RABEP1: variants seen among roughly 807,000 people sequenced by gnomAD.
The protein encoded by RABEP1 is rab GTPase-binding effector protein 1.
Under a neutral mutation model 123.4 loss-of-function variants are expected in RABEP1, and 51 were observed. That is an observed-to-expected ratio of 0.41 (90% CI 0.33 to 0.52). The LOEUF (loss-of-function observed/expected upper bound fraction) is 0.52, where lower values mean the gene tolerates loss of function less well. Ranked by LOEUF, RABEP1 falls within the 20% of genes least tolerant of loss-of-function variation. RABEP1 has a pLI of 0.16. For missense variants in RABEP1, 888 were observed against 996.3 expected (o/e 0.89, Z 1.46); for synonymous variants, 347 against 355.2 (o/e 0.98, Z 0.26).
chr17:5,372,255 C>T (rs867047662), intron 12 of RABEP1, among the ~76,000 whole-genome samples: 5 of 151,920 alleles, frequency 3.3e-5, no homozygotes, highest in African/African-American at 1.2e-4. Flanking sequence ...CCAGCCTGGC[C>T]AACATAGTGA....
chr17:5,368,330 G>A (rs374219378), intron 11 of RABEP1, 40 bp from the exon 12 acceptor site: 166 of 1,362,466 alleles, frequency 1.2e-4, no homozygotes, highest in Non-Finnish European at 1.4e-4. Flanking sequence ...CAGAATAACC[G>A]ATTTCCTAAC....
At position 5,384,091 on chromosome 17, in the gene RABEP1, C is replaced by G; in HGVS notation, c.*868C>G. 4.6e-6 allele frequency: 1 copy of G among 215,066 alleles called. No individual in the cohort carries two copies. The highest frequency in any genetic ancestry group is 1.5e-3 in the Middle Eastern group (1 of 668). 13.3% of individuals were successfully genotyped at this position (215,066 alleles called of 1,614,324 possible). A position where few individuals can be genotyped will look rare whatever the true frequency, so the allele number is the denominator to read the frequency against. Reference sequence around the variant, plus strand: ...GTTTTTAAATAGGCTAATTTTTCAACTTGGATCATTAGGCTTACGTACTAC... The same window carrying G: ...GTTTTTAAATAGGCTAATTTTTCAAGTTGGATCATTAGGCTTACGTACTAC... On this transcript the variant is annotated 3_prime_UTR_variant, in exon 18 of 18. Transcript: ENST00000537505.
intron 15 of RABEP1, among the ~76,000 whole-genome samples, chr17:5,379,654 T>C (rs562652816): frequency 6.7e-6 from 1 of 149,638 alleles, no homozygotes; most frequent in East Asian, 1.9e-4. Context: ...GCTGCCACTC[T>C]TTGAGTTCAG....
intron 9 of RABEP1, chr17:5,361,897 T>A (rs976510930): frequency 1.9e-4 from 97 of 514,268 alleles, no homozygotes; most frequent in Non-Finnish European, 3.2e-4. Flanking sequence ...TCACAGTGAA[T>A]GTGAACCTCC....
intron 1 of RABEP1, among the ~76,000 whole-genome samples, chr17:5,298,898 G>A (rs1159215838): frequency 4.0e-5 from 6 of 151,488 alleles, no homozygotes; most frequent in African/African-American, 1.2e-4. Context: ...CTCGTGATCC[G>A]CCCGCCTCAG....
In RABEP1 at chr17:5,323,761, T is replaced by TATATATATATATCTAGGA. The variant is rs1567522076; in HGVS notation, c.164-8175_164-8158dup. Among the ~76,000 whole-genome samples, 164 of 67,608 alleles carry TATATATATATATCTAGGA rather than the reference T, an allele frequency of 2.4e-3. 16 individuals carry two copies. The highest frequency in any genetic ancestry group is 3.5e-3 in the Non-Finnish European group (118 of 33,954). The allele number at this position is 67,608 out of a possible 152,430, so 44.4% of individuals were successfully genotyped here. A position where few individuals can be genotyped will look rare whatever the true frequency, so the allele number is the denominator to read the frequency against. On this transcript the variant is annotated intron_variant, in intron 2 of 17. Coordinates refer to ENST00000537505, the MANE Select transcript of RABEP1 (RefSeq NM_004703.6). ...CTAGGAATATATATATATCTAGGAA[T>TATATATATATATCTAGGA]ATATATATATATCTAGGAATATATA...
At chr17:5,290,346 C>G (rs960272342) in intron 1 of RABEP1, among the ~76,000 whole-genome samples, 1 of 152,170 alleles carries the variant, frequency 6.6e-6, no homozygotes, top group African/African-American at 2.4e-5. Flanking sequence ...CCTTGGCCTC[C>G]CAAAATGCTG....
intron 1 of RABEP1, among the ~76,000 whole-genome samples, chr17:5,298,615 A>G (rs1188460964): frequency 1.3e-5 from 2 of 151,856 alleles, no homozygotes; most frequent in African/African-American, 4.8e-5. Context: ...ATGATTCTTA[A>G]TGTATGGCCA....
intron 1 of RABEP1, among the ~76,000 whole-genome samples, chr17:5,298,084 G>A (rs891166933): frequency 3.3e-5 from 5 of 152,048 alleles, no homozygotes; most frequent in Non-Finnish European, 7.3e-5. Flanking sequence ...CCCTCTCTGT[G>A]TATGACCTTG....
chr17:5,310,685 T>G (rs113305268), intron 2 of RABEP1, among the ~76,000 whole-genome samples: 3 of 152,168 alleles, frequency 2.0e-5, no homozygotes, highest in Non-Finnish European at 2.9e-5. Context: ...AACAAACACA[T>G]GAATAGCTTT....
intron 17 of RABEP1, 139 bp from the exon 18 acceptor site, chr17:5,382,983 T>G (rs992289070): frequency 1.5e-6 from 1 of 665,236 alleles, no homozygotes; most frequent in Non-Finnish European, 2.6e-6. Context: ...ATTTTTAAAA[T>G]TTTTAATTGT....
At chr17:5,303,410 T>C (rs1318170948) in intron 1 of RABEP1, among the ~76,000 whole-genome samples, 2 of 152,046 alleles carry the variant, frequency 1.3e-5, no homozygotes, top group Non-Finnish European at 1.5e-5. Flanking sequence ...TCCGTCTAAT[T>C]TTTGTATTTT....
intron 1 of RABEP1, among the ~76,000 whole-genome samples, chr17:5,289,177 C>T (rs2641230): frequency 2.3e-3 from 348 of 150,390 alleles, no homozygotes; most frequent in African/African-American, 7.7e-3. Flanking sequence ...CTTCTTCTTC[C>T]TCTTCCTTTT....
intron 1 of RABEP1, among the ~76,000 whole-genome samples, chr17:5,284,720 C>G (rs928603176): frequency 6.6e-6 from 1 of 152,036 alleles, no homozygotes; most frequent in Non-Finnish European, 1.5e-5. Context: ...CCTGCCTACA[C>G]TTCCCAAAGT....
At chr17:5,321,553 T>C (rs1242771439) in intron 2 of RABEP1, among the ~76,000 whole-genome samples, 1 of 151,492 alleles carries the variant, frequency 6.6e-6, no homozygotes, top group African/African-American at 2.4e-5. Flanking sequence ...GAGGCTGCAG[T>C]GAGCCGTATT....
chr17:5,315,641 A>G (rs565129371), intron 2 of RABEP1, among the ~76,000 whole-genome samples: 9 of 152,324 alleles, frequency 5.9e-5, no homozygotes, highest in East Asian at 1.9e-4. Flanking sequence ...ACTTGAGGTC[A>G]GGAGTTTGAG....
chr17:5,344,360 C>A (rs1424176463), intron 5 of RABEP1, among the ~76,000 whole-genome samples: 2 of 151,914 alleles, frequency 1.3e-5, no homozygotes, highest in Non-Finnish European at 2.9e-5. Flanking sequence ...ATTACTTGAA[C>A]CCGGGAGATG....
At chr17:5,354,306 C>A in intron 7 of RABEP1, 53 bp from the exon 8 acceptor site, 1 of 1,494,100 alleles carries the variant, frequency 6.7e-7, no homozygotes, top group South Asian at 1.3e-5. Flanking sequence ...AGAACTGTGT[C>A]ACTTATTAAG....
At chr17:5,332,820 C>G (rs1906693675) in intron 3 of RABEP1, among the ~76,000 whole-genome samples, 1 of 151,984 alleles carries the variant, frequency 6.6e-6, no homozygotes. Flanking sequence ...GTTGGTCAGG[C>G]TGGTCTTGAA....
Sources: gnomAD v4.1 joint callset for allele counts (sites outside exome capture counted in the v4.1 genomes callset) on GRCh38, gnomAD v4.1.1 for gene constraint, MANE v1.5 for transcripts, NCBI Gene and HGNC (gene_info 2026-07-23, HGNC 2026-07-21) for gene names.